The following PAPPA2 variants were observed in gnomAD, a reference collection of about 807,000 sequenced individuals.
The protein encoded by PAPPA2 is pappalysin-2.
PAPPA2 carries 86 observed loss-of-function variants against 176.4 expected under a neutral mutation model. The observed-to-expected ratio is 0.49, with a 90% confidence interval of 0.41 to 0.58. PAPPA2 has a LOEUF of 0.58. PAPPA2 is among the 20% of genes least tolerant of loss of function. The probability of loss-of-function intolerance (pLI) is 0.00; values close to 1 mark genes in which losing one functional copy is unlikely to be tolerated. For missense variants in PAPPA2, 2,073 were observed against 2,256.9 expected (o/e 0.92, Z 1.65); for synonymous variants, 809 against 852.2 (o/e 0.95, Z 0.88).
chr1:176,587,522 C>G lies in PAPPA2; in HGVS notation c.920-7002C>G, dbSNP rs540631049. On this transcript the variant is annotated intron_variant, in intron 2 of 22. Coordinates refer to ENST00000367662, the MANE Select transcript of PAPPA2 (RefSeq NM_020318.3). ...TTTCTGACTATGGCTTGCCAGTTTTCCCAGCACCATTTACTGAATAGAAGA... is the reference window on the plus strand; with the variant it reads ...TTTCTGACTATGGCTTGCCAGTTTTGCCAGCACCATTTACTGAATAGAAGA... Among the ~76,000 whole-genome samples the G allele has an allele frequency of 7.2e-5, 11 of 152,248 alleles. No homozygotes were observed. In the South Asian group the frequency reaches 2.3e-3, roughly 32 times the overall value.
intron 1 of PAPPA2, among the ~76,000 whole-genome samples, chr1:176,500,511 C>T (rs1647899999): frequency 6.8e-6 from 1 of 148,014 alleles, no homozygotes. Context: ...TTTATTTATA[C>T]ATTTATATAT....
At chr1:176,779,476 T>TCTCACA (rs1315037600) in intron 17 of PAPPA2, among the ~76,000 whole-genome samples, 7 of 126,906 alleles carry the variant, frequency 5.5e-5, no homozygotes, top group Non-Finnish European at 9.7e-5. Context: ...TCCATACTCA[T>TCTCACA]CACACACACA....
chr1:176,821,431 T>C (rs764755778), intron 21 of PAPPA2, among the ~76,000 whole-genome samples: 12 of 152,218 alleles, frequency 7.9e-5, no homozygotes, highest in Non-Finnish European at 1.8e-4. Context: ...GAAGCTGTCA[T>C]CAAGTCTTTC....
intron 1 of PAPPA2, among the ~76,000 whole-genome samples, chr1:176,500,772 CT>C (rs1647912590): frequency 6.6e-6 from 1 of 151,308 alleles, no homozygotes; most frequent in Admixed American, 6.6e-5. Context: ...CCAATTTCCC[CT>C]AACCTATGTA....
chr1:176,610,255 A>G (rs374538317), intron 3 of PAPPA2, among the ~76,000 whole-genome samples: 127 of 151,438 alleles, frequency 8.4e-4, no homozygotes, highest in African/African-American at 3.0e-3. Flanking sequence ...TTCCATAGCC[A>G]TTCCTAGGAA....
chr1:176,714,505 A>G (rs1661284590), intron 12 of PAPPA2, among the ~76,000 whole-genome samples: 1 of 152,306 alleles, frequency 6.6e-6, no homozygotes, highest in Admixed American at 6.5e-5. Context: ...AAACTTTTAA[A>G]AAATAACTAC....
At chr1:176,617,087 G>C (rs1413154942) in intron 3 of PAPPA2, among the ~76,000 whole-genome samples, 1 of 152,118 alleles carries the variant, frequency 6.6e-6, no homozygotes, top group Non-Finnish European at 1.5e-5. Context: ...TTTGTGTCCA[G>C]GATAACCACT....
chr1:176,828,584 A>G (rs1182346047), intron 21 of PAPPA2, among the ~76,000 whole-genome samples: 2 of 152,114 alleles, frequency 1.3e-5, no homozygotes, highest in African/African-American at 4.8e-5. Flanking sequence ...ACATCTATGC[A>G]TATGTGTATA....
chr1:176,712,726 A>AG (rs1661200739), intron 12 of PAPPA2, among the ~76,000 whole-genome samples: 2 of 152,218 alleles, frequency 1.3e-5, no homozygotes, highest in Non-Finnish European at 2.9e-5. Flanking sequence ...GATCGCAAGT[A>AG]GGCCAGCTTT....
At chr1:176,522,704 A>AT (rs1257751755) in intron 1 of PAPPA2, among the ~76,000 whole-genome samples, 6 of 152,222 alleles carry the variant, frequency 3.9e-5, no homozygotes, top group African/African-American at 7.2e-5. Context: ...ACTCATTGCC[A>AT]TGCCTCTTGC....
At chr1:176,635,208 C>A (rs1054562916) in intron 3 of PAPPA2, among the ~76,000 whole-genome samples, 2 of 151,998 alleles carry the variant, frequency 1.3e-5, no homozygotes, top group Admixed American at 1.3e-4. Context: ...GCATGACAAC[C>A]CAGTATGTAT....
intron 17 of PAPPA2, among the ~76,000 whole-genome samples, chr1:176,789,158 C>A (rs938850914): frequency 8.5e-5 from 13 of 152,048 alleles, no homozygotes; most frequent in Admixed American, 8.5e-4. Flanking sequence ...CCTAAATGTC[C>A]AACAATGATA....
chr1:176,789,130 A>G (rs1297110418), intron 17 of PAPPA2, among the ~76,000 whole-genome samples: 2 of 152,224 alleles, frequency 1.3e-5, no homozygotes, highest in African/African-American at 4.8e-5. Flanking sequence ...ACTATTTATC[A>G]AACCCTCTTA....
intron 21 of PAPPA2, among the ~76,000 whole-genome samples, chr1:176,834,405 G>A (rs1021604896): frequency 2.6e-5 from 4 of 152,202 alleles, no homozygotes; most frequent in Non-Finnish European, 5.9e-5. Flanking sequence ...CCATCCCGAG[G>A]AATGAAGAGT....
chr1:176,767,343 G>A (rs767595746), intron 15 of PAPPA2, among the ~76,000 whole-genome samples: 5 of 152,098 alleles, frequency 3.3e-5, no homozygotes, highest in Non-Finnish European at 5.9e-5. Flanking sequence ...ATTTTGAGAG[G>A]CATTCTTTTT....
chr1:176,668,919 G>A (rs1263865571), intron 3 of PAPPA2, among the ~76,000 whole-genome samples: 1 of 152,116 alleles, frequency 6.6e-6, no homozygotes, highest in Non-Finnish European at 1.5e-5. Context: ...GATTGGACAA[G>A]GAAGAAAAGG....
intron 3 of PAPPA2, among the ~76,000 whole-genome samples, chr1:176,608,481 G>T (rs1654736522): frequency 6.6e-6 from 1 of 152,190 alleles, no homozygotes; most frequent in South Asian, 2.1e-4. Context: ...GCAAATCTGT[G>T]ATATTTGGCT....
At chr1:176,670,472 C>G (rs1240807721) in intron 3 of PAPPA2, among the ~76,000 whole-genome samples, 1 of 152,134 alleles carries the variant, frequency 6.6e-6, no homozygotes, top group Non-Finnish European at 1.5e-5. Flanking sequence ...TCCTCTTTTA[C>G]TTTATGTTTT....
intron 2 of PAPPA2, among the ~76,000 whole-genome samples, chr1:176,562,321 C>G (rs1050424197): frequency 6.6e-6 from 1 of 152,130 alleles, no homozygotes; most frequent in African/African-American, 2.4e-5. Context: ...AGGGTGTCAT[C>G]CACATAGAAT....
Sources: gnomAD v4.1 joint callset for allele counts (sites outside exome capture counted in the v4.1 genomes callset) on GRCh38, gnomAD v4.1.1 for gene constraint, MANE v1.5 for transcripts, NCBI Gene and HGNC (gene_info 2026-07-23, HGNC 2026-07-21) for gene names.